ME1: variants seen among roughly 807,000 people sequenced by gnomAD.
ME1 encodes the protein malic enzyme 1, also known as NADP-dependent malic enzyme.
A neutral mutation model predicts 66.4 loss-of-function variants in ME1; 74 were observed. That is an observed-to-expected ratio of 1.11 (90% confidence interval 0.92 to 1.35). ME1 has a LOEUF of 1.35. ME1 is among the 40% of genes most tolerant of loss of function. ME1 has a pLI of 0.00. For missense variants in ME1, 750 were observed against 694.1 expected, an observed-to-expected ratio of 1.08 and a Z score of -0.90; for synonymous variants, 251 against 235.6, an observed-to-expected ratio of 1.07 and a Z score of -0.60.
chr6:83,222,180 C>G (rs1790106823), intron 12 of ME1, among the ~76,000 whole-genome samples: 1 of 152,158 alleles, frequency 6.6e-6, no homozygotes, highest in Non-Finnish European at 1.5e-5. Flanking sequence ...TTCCTTAATG[C>G]AAAAGCTACT....
chr6:83,413,694 G>A (rs1287063135), intron 1 of ME1, among the ~76,000 whole-genome samples: 1 of 152,016 alleles, frequency 6.6e-6, no homozygotes, highest in Non-Finnish European at 1.5e-5. Flanking sequence ...TAAGAGAATT[G>A]ATACTAATTT....
rs908002667 is a variant in ME1 at position 83,240,251 on chromosome 6, T to C, written c.815-615A>G. 2.0e-5 allele frequency among the ~76,000 whole-genome samples: 3 copies of C among 152,026 alleles called. 1 individual carries two copies. The highest frequency in any genetic ancestry group is 2.0e-4 in the Admixed American group (3 of 15,274). ...ACAAATAGTAAATTCTTGCTGATGA[T>C]GGTATTGGTGCTCATAATATTTTTG... On this transcript the variant is annotated intron_variant, in intron 7 of 13. Coordinates refer to ENST00000369705, the MANE Select transcript of ME1 (RefSeq NM_002395.6).
chr6:83,314,071 T>C (rs892965132), intron 6 of ME1, among the ~76,000 whole-genome samples: 1 of 152,170 alleles, frequency 6.6e-6, no homozygotes, highest in Non-Finnish European at 1.5e-5. Flanking sequence ...AGGCAACATA[T>C]GTGTTTTTAA....
At chr6:83,403,865 G>A (rs997497254) in intron 2 of ME1, among the ~76,000 whole-genome samples, 1 of 152,168 alleles carries the variant, frequency 6.6e-6, no homozygotes, top group African/African-American at 2.4e-5. Context: ...ATTCTATGGT[G>A]TATATGTGCC....
chr6:83,408,472 A>C (rs1769988565), intron 1 of ME1, among the ~76,000 whole-genome samples: 1 of 152,180 alleles, frequency 6.6e-6, no homozygotes. Flanking sequence ...TGGTCAAGAT[A>C]TTCTTCCCTG....
chr6:83,230,790 G>A (rs923403308), intron 9 of ME1, among the ~76,000 whole-genome samples: 8 of 152,008 alleles, frequency 5.3e-5, no homozygotes, highest in South Asian at 2.1e-4. Context: ...AAAATTAGCT[G>A]GGCGTGGTGG....
intron 4 of ME1, among the ~76,000 whole-genome samples, chr6:83,346,591 A>G (rs1032591917): frequency 6.6e-6 from 1 of 152,202 alleles, no homozygotes; most frequent in African/African-American, 2.4e-5. Context: ...AACATACCAA[A>G]TAACTTTTCA....
intron 7 of ME1, among the ~76,000 whole-genome samples, chr6:83,245,489 T>C (rs1195752896): frequency 6.6e-6 from 1 of 152,138 alleles, no homozygotes; most frequent in African/African-American, 2.4e-5. Context: ...CACTGCAACC[T>C]CTGCCTCCCA....
chr6:83,408,694 T>C (rs1769991967), intron 1 of ME1, among the ~76,000 whole-genome samples: 1 of 152,186 alleles, frequency 6.6e-6, no homozygotes, highest in South Asian at 2.1e-4. Context: ...CCTAAGATAT[T>C]TGCTGGCATT....
chr6:83,370,011 A>G (rs1769167349), intron 3 of ME1, among the ~76,000 whole-genome samples: 1 of 152,200 alleles, frequency 6.6e-6, no homozygotes, highest in East Asian at 1.9e-4. Context: ...AGAGAAAAAG[A>G]TAATAGTTCT....
chr6:83,300,406 A>T (rs1767692481), intron 6 of ME1, among the ~76,000 whole-genome samples: 1 of 152,122 alleles, frequency 6.6e-6, no homozygotes, highest in Non-Finnish European at 1.5e-5. Context: ...TAAACTAAAG[A>T]GCTTCTCCAC....
rs2128521903 is a variant in ME1, at chr6:83,211,938, T to C, written c.1705A>G (p.Lys569Glu). ...TTGCTATTATCCTACTGGTCAACTT[T>C]GGTCTGTATTTTCTGCACCTCTTCA... Reference protein sequence around the residue: ...WPEEVQKIQTKVDQ With the variant: ...WPEEVQKIQTEVDQ Residue 569 changes from lysine (K) to glutamate (E), a missense_variant, in exon 14 of 14, where the codon AAA becomes GAA. Lys to Glu is a moderately conservative substitution (Grantham distance 56). Transcript: ENST00000369705. 1.3e-6 allele frequency: 2 copies of C among 1,596,142 alleles called. No individual in the cohort carries two copies. Among genetic ancestry groups the C allele is most frequent in the East Asian group, 2.3e-5 (1 of 44,370 alleles).
In ME1 at chr6:83,362,826, TACAC is replaced by T. The variant is rs1401601782; in HGVS notation, c.363-10691_363-10688del. On this transcript the variant is annotated intron_variant, in intron 3 of 13. Transcript: ENST00000369705. ...AATGCCTTATGCATCATCATGGTAT[TACAC>T]ACAGCATTGCCTCTAACAAAGGCAC... 2.6e-5 allele frequency among the ~76,000 whole-genome samples: 4 copies of T among 152,202 alleles called. No homozygotes were observed. In the East Asian group the frequency reaches 7.7e-4, roughly 29 times the overall value.
At chr6:83,226,060 TG>T (rs1269603846) in intron 11 of ME1, among the ~76,000 whole-genome samples, 2 of 152,114 alleles carry the variant, frequency 1.3e-5, no homozygotes, top group African/African-American at 4.8e-5. Flanking sequence ...TATCTTCACC[TG>T]TGCCTACAGT....
chr6:83,417,370 T>G (rs76112899), intron 1 of ME1, among the ~76,000 whole-genome samples: 7 of 149,880 alleles, frequency 4.7e-5, no homozygotes, highest in East Asian at 2.0e-4. Context: ...TTTGTTGTTT[T>G]TTGTTGTTGT....
intron 6 of ME1, among the ~76,000 whole-genome samples, chr6:83,310,178 G>C (rs1298764409): frequency 6.6e-6 from 1 of 152,146 alleles, no homozygotes; most frequent in Non-Finnish European, 1.5e-5. Context: ...CAGCTGCAAA[G>C]AGTCGTTTCA....
At chr6:83,289,933 G>A (rs531002757) in intron 6 of ME1, among the ~76,000 whole-genome samples, 7 of 152,264 alleles carry the variant, frequency 4.6e-5, no homozygotes, top group Non-Finnish European at 7.4e-5. Flanking sequence ...GGTGTTTATA[G>A]TATTCTCTGA....
intron 1 of ME1, among the ~76,000 whole-genome samples, chr6:83,419,146 G>A (rs1770217092): frequency 6.6e-6 from 1 of 152,082 alleles, no homozygotes; most frequent in Non-Finnish European, 1.5e-5. Flanking sequence ...GGAAGCCCCA[G>A]TACCTTTCCT....
chr6:83,321,381 G>C (rs748126582), intron 5 of ME1, among the ~76,000 whole-genome samples: 3 of 152,112 alleles, frequency 2.0e-5, no homozygotes, highest in Non-Finnish European at 4.4e-5. Context: ...CATCCCTATG[G>C]AGCCCAGCAA....
Sources: gnomAD v4.1 joint callset for allele counts (sites outside exome capture counted in the v4.1 genomes callset) on GRCh38, gnomAD v4.1.1 for gene constraint, MANE v1.5 for transcripts, NCBI Gene and HGNC (gene_info 2026-07-23, HGNC 2026-07-21) for gene names.